MAPK3: variants seen among roughly 807,000 people sequenced by gnomAD.
The protein encoded by MAPK3 is mitogen-activated protein kinase 3.
A neutral mutation model predicts 41.8 loss-of-function variants in MAPK3; 30 were observed. The ratio of observed to expected loss-of-function variants is 0.72; its 90% CI spans 0.54 to 0.97. MAPK3 has a LOEUF of 0.97. Ranked by LOEUF, MAPK3 falls within the 50% of genes least tolerant of loss-of-function variation. The probability of loss-of-function intolerance (pLI) is 0.00; values close to 1 mark genes in which losing one functional copy is unlikely to be tolerated. For missense variants in MAPK3, 413 were observed against 509.9 expected, an observed-to-expected ratio of 0.81 and a Z score of 1.83; for synonymous variants, 222 against 213.4, an observed-to-expected ratio of 1.04 and a Z score of -0.35.
intron 8 of MAPK3, 46 bp downstream of exon 8, chr16:30,116,590 A>G (rs1342027654): frequency 6.4e-7 from 1 of 1,559,294 alleles, no homozygotes; most frequent in Non-Finnish European, 8.7e-7. Flanking sequence ...ACAGATATAG[A>G]TATTTAGTAT....
intron 5 of MAPK3, 96 bp from the exon 6 acceptor site, chr16:30,117,381 C>G: frequency 2.3e-6 from 3 of 1,282,398 alleles, no homozygotes; most frequent in Non-Finnish European, 3.3e-6. Flanking sequence ...AGCCCAGCAA[C>G]CCATGCCAAT....
intron 1 of MAPK3, 27 bp downstream of exon 1, chr16:30,123,013 A>G (rs1567358032): frequency 2.4e-6 from 2 of 824,394 alleles, no homozygotes; most frequent in Non-Finnish European, 3.4e-6. Flanking sequence ...CCCTGAGGGC[A>G]CCCCCTCCCC....
In MAPK3 at chr16:30,118,414, C is replaced by T. The variant is rs769159731; in HGVS notation, c.478G>A (p.Ala160Thr). 6 of 1,601,484 alleles carry T rather than the reference C, an allele frequency of 3.7e-6. No individual in the cohort carries two copies. The highest frequency in any genetic ancestry group is 5.1e-6 in the Non-Finnish European group (6 of 1,174,896). ...TTTAGATCTCGGTGGAGCACGTTGG[C>T]GGAGTGGATGTACTTGAGGCCCCGC... ...ILRGLKYIHSANVLHRDLKPS... is the reference protein window; with the variant it reads ...ILRGLKYIHSTNVLHRDLKPS... Residue 160 changes from alanine (A) to threonine (T), a missense_variant, in exon 3 of 9, where the codon GCC (alanine) becomes ACC (threonine). This residue lies in a region of MAPK3 where 140 missense variants were observed against 206.0 expected (regional missense o/e 0.68). Coordinates refer to ENST00000263025, the MANE Select transcript of MAPK3 (RefSeq NM_002746.3).
Position 30,123,133 on chromosome 16 carries a change from C to A in MAPK3, c.77G>T (p.Gly26Val), listed in dbSNP as rs775053127. The A allele has an allele frequency of 6.5e-7, 1 of 1,550,084 alleles. No homozygotes were observed. The highest frequency in any genetic ancestry group is 1.4e-5 in the African/African-American group (1 of 70,720). Residue 26 changes from glycine (G) to valine (V), a missense_variant, in exon 1 of 9, where the codon GGG becomes GTG. By Grantham distance (109) the Gly-to-Val change is moderately radical. Transcript: ENST00000263025. ...RTEGVGPGVP[G>V]EVEMVKGQPF... ...CTGCCCCTTCACCATCTCCACCTCC[C>A]CCGGGACCCCCGGGCCGACCCCCTC...
chr16:30,116,586 A>C, intron 8 of MAPK3, 50 bp downstream of exon 8: 1 of 1,546,672 alleles, frequency 6.5e-7, no homozygotes, highest in Non-Finnish European at 8.8e-7. Flanking sequence ...ATATACAGAT[A>C]TAGATATTTA....
rs554076125 is a variant in MAPK3 at position 30,120,071 on chromosome 16, A to G, written c.354-1533T>C. Among the ~76,000 whole-genome samples, 4 of 152,348 alleles carry G rather than the reference A, an allele frequency of 2.6e-5. No individual in the cohort carries two copies. In the East Asian group the frequency reaches 7.7e-4, roughly 29 times the overall value. On this transcript the variant is annotated intron_variant, in intron 2 of 8. Coordinates refer to ENST00000263025, the MANE Select transcript of MAPK3 (RefSeq NM_002746.3). ...GTAGTCCCAGCTACTTGGAAGGCTG[A>G]GGCAGGAGAATAGCTTGAACCTGGG...
At chr16:30,115,076 A>C (rs1209594939) in intron 8 of MAPK3, among the ~76,000 whole-genome samples, 2 of 150,874 alleles carry the variant, frequency 1.3e-5, no homozygotes, top group African/African-American at 4.9e-5. Flanking sequence ...AGCTCCACAA[A>C]AAAAAAAAAA....
chr16:30,116,796 G>A lies in MAPK3; in HGVS notation c.1018-6C>T. On this transcript the variant is annotated splice_region_variant and splice_polypyrimidine_tract_variant and intron_variant, in intron 7 of 8. Transcript: ENST00000263025. ...AAGGGCTCCTCGGCCACTGGCTGGG[G>A]TGGTAGAGACAGCAAGGCTCAGGCC... 2 of 1,613,880 alleles carry A rather than the reference G, an allele frequency of 1.2e-6. No individual in the cohort carries two copies. The highest frequency in any genetic ancestry group is 2.2e-5 in the South Asian group (2 of 91,082).
rs149920658 is a variant in MAPK3 at position 30,117,767 on chromosome 16, G to A, written c.678C>T (p.Ile226=). 6 of 1,613,706 alleles carry A rather than the reference G, an allele frequency of 3.7e-6. No homozygotes were observed. The highest frequency in any genetic ancestry group is 4.2e-6 in the Non-Finnish European group (5 of 1,179,650). The change falls in exon 5 of 9, where the codon ATC becomes ATT. Residue 226 remains isoleucine (I), a synonymous_variant. Coordinates refer to ENST00000263025, the MANE Select transcript of MAPK3 (RefSeq NM_002746.3). ...GAATGCAGCCCACAGACCAGATGTC[G>A]ATGGACTTGGTATAGCCCTGGGGGA... is the stretch of plus-strand genomic sequence containing the variant. ...MLNSKGYTKS[I]DIWSVGCILA... is the part of the protein sequence containing the mutation.
chr16:30,123,035 C>T lies in MAPK3; in HGVS notation c.170+5G>A. On this transcript the variant is annotated splice_donor_5th_base_variant and intron_variant, in intron 1 of 8. Transcript: ENST00000263025. ...GGCACCCCCTCCCCCGGAACGCCCC[C>T]TCACCTGACCATGCCGTACGCGCCC... The T allele has an allele frequency of 6.5e-7, 1 of 1,549,122 alleles. No homozygotes were observed. Among genetic ancestry groups the T allele is most frequent in the Non-Finnish European group, 8.7e-7 (1 of 1,148,954 alleles).
chr16:30,116,546 G>A (rs2072955199), intron 8 of MAPK3, 90 bp downstream of exon 8: 2 of 1,362,880 alleles, frequency 1.5e-6, no homozygotes, highest in Non-Finnish European at 1.0e-6. Context: ...GCTGCTGTAT[G>A]GAGGCATGTA....
At position 30,118,557 on chromosome 16, in the gene MAPK3, A is replaced by AC. The variant is rs572153683; in HGVS notation, c.354-20dup. On this transcript the variant is annotated intron_variant, in intron 2 of 8. Transcript: ENST00000263025. ...AATGTAGCTGAGGATGGTTCCGCAG[A>AC]CCCCCCCAGGCAGGGGGCAGTGGGA... 2.3e-3 allele frequency: 3,634 copies of AC among 1,593,474 alleles called. 9 individuals carry two copies. The highest frequency in any genetic ancestry group is 2.4e-3 in the Non-Finnish European group (2,766 of 1,167,780).
chr16:30,119,489 C>T (rs982006121), intron 2 of MAPK3, among the ~76,000 whole-genome samples: 1 of 152,020 alleles, frequency 6.6e-6, no homozygotes, highest in South Asian at 2.1e-4. Context: ...GATGAGATGG[C>T]GCATGTAAAG....
intron 2 of MAPK3, among the ~76,000 whole-genome samples, chr16:30,119,120 T>C (rs1196166051): frequency 3.4e-5 from 5 of 148,812 alleles, no homozygotes; most frequent in African/African-American, 1.2e-4. Context: ...GCAGCCCGGA[T>C]GACAGAGTGA....
intron 1 of MAPK3, 38 bp from the exon 2 acceptor site, chr16:30,122,044 C>T: frequency 6.2e-7 from 1 of 1,610,598 alleles, no homozygotes; most frequent in Non-Finnish European, 8.5e-7. Flanking sequence ...TGTGGCCTTA[C>T]AAAGGGGGAG....
chr16:30,116,533 C>G (rs942512965), intron 8 of MAPK3, 103 bp downstream of exon 8: 1 of 1,295,624 alleles, frequency 7.7e-7, no homozygotes, highest in Non-Finnish European at 1.1e-6. Flanking sequence ...GTGGGGTAAG[C>G]TTGCTGCTGT....
chr16:30,117,129 A>T, intron 6 of MAPK3, 25 bp downstream of exon 6: 1 of 1,613,832 alleles, frequency 6.2e-7, no homozygotes. Flanking sequence ...GGTTTATCCC[A>T]CACCCACCCT....
intron 2 of MAPK3, among the ~76,000 whole-genome samples, chr16:30,119,858 T>A (rs1290926628): frequency 6.6e-6 from 1 of 152,192 alleles, no homozygotes; most frequent in Admixed American, 6.5e-5. Flanking sequence ...GAAAAATAAG[T>A]CAGGGCTGTC....
At position 30,117,179 on chromosome 16, in the gene MAPK3, C is replaced by T; in HGVS notation, c.882G>A (p.Lys294=). 1.2e-6 allele frequency: 2 copies of T among 1,614,130 alleles called. No individual in the cohort carries two copies. Among genetic ancestry groups the T allele is most frequent in the South Asian group, 2.2e-5 (2 of 91,080 alleles). ...LPSKTKVAWA[K]LFPKSDSKAL... ...CTTTGGAGTCTGACTTGGGGAAAAG[C>T]TTGGCCCAAGCCACCTTGGTCTTGG... The change falls in exon 6 of 9, where the codon AAG becomes AAA. Residue 294 remains lysine, a synonymous_variant. Coordinates refer to ENST00000263025, the MANE Select transcript of MAPK3 (RefSeq NM_002746.3).
Sources: allele counts gnomAD v4.1 joint callset (sites outside exome capture counted in the v4.1 genomes callset), GRCh38; gene constraint gnomAD v4.1.1; regional missense constraint gnomAD v4.1.1; transcripts MANE v1.5; gene names NCBI Gene and HGNC (gene_info 2026-07-23, HGNC 2026-07-21).